GRIN2B: variants seen among roughly 807,000 people sequenced by gnomAD.
The protein encoded by GRIN2B is glutamate ionotropic receptor NMDA type subunit 2B, also known as glutamate receptor ionotropic, NMDA 2B.
A neutral mutation model predicts 114.5 loss-of-function variants in GRIN2B; 5 were observed. The ratio of observed to expected loss-of-function variants is 0.04; its 90% CI spans 0.02 to 0.09. The LOEUF (loss-of-function observed/expected upper bound fraction) is 0.09, where lower values mean the gene tolerates loss of function less well. GRIN2B is among the 10% of genes least tolerant of loss of function. The pLI is 1.00. For missense variants in GRIN2B, 1,108 were observed against 1,943.5 expected (o/e 0.57, Z 8.08); for synonymous variants, 787 against 745.1 (o/e 1.06, Z -0.92).
In GRIN2B at chr12:13,668,640, G is replaced by A. The variant is rs777345955; in HGVS notation, c.1125+7105C>T. ...ACACAACAAAATATGTAATCCAGTGGCCCCGTGTCATTGTCGTAAGTAAAA... is the reference window on the plus strand; with the variant it reads ...ACACAACAAAATATGTAATCCAGTGACCCCGTGTCATTGTCGTAAGTAAAA... On this transcript the variant is annotated intron_variant, in intron 5 of 13. Coordinates refer to ENST00000609686, the MANE Select transcript of GRIN2B (RefSeq NM_000834.5). Among the ~76,000 whole-genome samples, 19 of 151,990 alleles carry A rather than the reference G, an allele frequency of 1.3e-4. 1 individual carries two copies. Among genetic ancestry groups the A allele is most frequent in the South Asian group, 4.2e-4 (2 of 4,810 alleles).
intron 4 of GRIN2B, among the ~76,000 whole-genome samples, chr12:13,713,120 T>A (rs1005032119): frequency 1.6e-4 from 24 of 151,862 alleles, no homozygotes; most frequent in African/African-American, 5.1e-4. Flanking sequence ...TAATACACAA[T>A]CAACAAGACA....
chr12:13,600,372 T>C (rs1392703245), intron 10 of GRIN2B, among the ~76,000 whole-genome samples: 2 of 152,232 alleles, frequency 1.3e-5, no homozygotes, highest in African/African-American at 4.8e-5. Context: ...CTGATATCTA[T>C]TTAGTAAGTC....
At chr12:13,902,863 C>T (rs1409820083) in intron 2 of GRIN2B, among the ~76,000 whole-genome samples, 1 of 151,960 alleles carries the variant, frequency 6.6e-6, no homozygotes, top group African/African-American at 2.4e-5. Flanking sequence ...CCAAGACTTG[C>T]CAATGAAGCT....
intron 2 of GRIN2B, among the ~76,000 whole-genome samples, chr12:13,915,163 AC>A (rs1210067828): frequency 6.6e-6 from 1 of 152,198 alleles, no homozygotes; most frequent in South Asian, 2.1e-4. Flanking sequence ...TATCACATAT[AC>A]CCCCAAAATA....
intron 10 of GRIN2B, among the ~76,000 whole-genome samples, chr12:13,603,099 G>T (rs570226287): frequency 6.6e-6 from 1 of 152,104 alleles, no homozygotes; most frequent in African/African-American, 2.4e-5. Flanking sequence ...TCCAACAGTA[G>T]CTTAAAGCTA....
intron 2 of GRIN2B, among the ~76,000 whole-genome samples, chr12:13,870,683 AT>A (rs148006380): frequency 0.02 from 3,006 of 152,272 alleles, 114 homozygotes; most frequent in African/African-American, 0.07. Context: ...TCAGGACATT[AT>A]TTGGAGTGAT....
intron 3 of GRIN2B, among the ~76,000 whole-genome samples, chr12:13,784,780 T>G (rs1410821633): frequency 6.6e-6 from 1 of 152,172 alleles, no homozygotes; most frequent in Non-Finnish European, 1.5e-5. Context: ...CAACTGAGGT[T>G]ATCCTGGACC....
intron 9 of GRIN2B, 63 bp from the exon 10 acceptor site, chr12:13,608,895 C>A: frequency 8.6e-7 from 1 of 1,163,346 alleles, no homozygotes; most frequent in Non-Finnish European, 1.3e-6. Context: ...TTGAAACCTA[C>A]AAATACACAG....
intron 4 of GRIN2B, among the ~76,000 whole-genome samples, chr12:13,686,068 A>T (rs2192977): frequency 0.55 from 83,321 of 151,942 alleles, 23,317 homozygotes; most frequent in Middle Eastern, 0.6. Context: ...CCACAATGCA[A>T]AAGTGCTGGT....
At chr12:13,855,252 A>G (rs756767240) in intron 3 of GRIN2B, among the ~76,000 whole-genome samples, 11 of 152,016 alleles carry the variant, frequency 7.2e-5, no homozygotes, top group Non-Finnish European at 1.6e-4. Context: ...GAAAAGAGAG[A>G]CAGAGAGTGA....
chr12:13,567,988 AGCAGAGAGAGATGG>A (rs1172412086), intron 12 of GRIN2B, among the ~76,000 whole-genome samples: 1 of 151,960 alleles, frequency 6.6e-6, no homozygotes, highest in Non-Finnish European at 1.5e-5. Flanking sequence ...GGAGAAGACA[AGCAGAGAGAGATGG>A]GCAGAGAGAT....
chr12:13,775,452 C>G (rs55910906), intron 3 of GRIN2B, among the ~76,000 whole-genome samples: 1 of 152,028 alleles, frequency 6.6e-6, no homozygotes, highest in African/African-American at 2.4e-5. Context: ...AGATGGTACC[C>G]GGGAAGCACT....
intron 10 of GRIN2B, among the ~76,000 whole-genome samples, chr12:13,602,491 G>A (rs1949174096): frequency 6.6e-6 from 1 of 152,182 alleles, no homozygotes; most frequent in Non-Finnish European, 1.5e-5. Context: ...AAAGTTAATA[G>A]GGCAGGAAAA....
intron 4 of GRIN2B, among the ~76,000 whole-genome samples, chr12:13,709,476 T>C (rs562019959): frequency 6.6e-6 from 1 of 151,980 alleles, no homozygotes; most frequent in East Asian, 1.9e-4. Context: ...ACACAGAAGA[T>C]AGAAAGAAGA....
At chr12:13,616,806 T>C in intron 5 of GRIN2B, 149 bp from the exon 6 acceptor site, 1 of 708,886 alleles carries the variant, frequency 1.4e-6, no homozygotes, top group East Asian at 2.7e-5. Context: ...GAATACTTTT[T>C]AAATCATGTG....
At chr12:13,828,771 C>T (rs570921878) in intron 3 of GRIN2B, among the ~76,000 whole-genome samples, 1 of 152,284 alleles carries the variant, frequency 6.6e-6, no homozygotes, top group Admixed American at 6.5e-5. Context: ...GATTGCCACA[C>T]TCCCTCATGG....
At chr12:13,962,372 C>T (rs1253503281) in intron 2 of GRIN2B, among the ~76,000 whole-genome samples, 1 of 152,172 alleles carries the variant, frequency 6.6e-6, no homozygotes, top group East Asian at 1.9e-4. Flanking sequence ...AACAGAAGGG[C>T]TTCACAAAGA....
At chr12:13,861,686 G>A (rs1865754161) in intron 3 of GRIN2B, among the ~76,000 whole-genome samples, 1 of 152,160 alleles carries the variant, frequency 6.6e-6, no homozygotes, top group Non-Finnish European at 1.5e-5. Context: ...AGCTTCCCTG[G>A]TGGGGTGAGA....
intron 3 of GRIN2B, among the ~76,000 whole-genome samples, chr12:13,768,937 G>A (rs569868676): frequency 6.6e-6 from 1 of 152,268 alleles, no homozygotes; most frequent in Non-Finnish European, 1.5e-5. Flanking sequence ...AGGAGACTGA[G>A]GCAGGAGAAT....
Sources: allele counts gnomAD v4.1 joint callset (sites outside exome capture counted in the v4.1 genomes callset), GRCh38; gene constraint gnomAD v4.1.1; transcripts MANE v1.5; gene names NCBI Gene and HGNC (gene_info 2026-07-23, HGNC 2026-07-21).